The following INPP4A variants were observed in gnomAD, a reference collection of about 807,000 sequenced individuals.
INPP4A encodes the protein inositol polyphosphate-4-phosphatase type I A, also known as inositol polyphosphate-4-phosphatase, type I, 107kD.
A neutral mutation model predicts 119.8 loss-of-function variants in INPP4A; 33 were observed. The observed-to-expected ratio is 0.28, with a 90% CI of 0.21 to 0.37. The LOEUF (loss-of-function observed/expected upper bound fraction) is 0.37, where lower values mean the gene tolerates loss of function less well. Among genes scored for constraint, INPP4A ranks in the 10% least tolerant of loss-of-function variants. The probability of loss-of-function intolerance (pLI) is 1.00; values close to 1 mark genes in which losing one functional copy is unlikely to be tolerated. For missense variants in INPP4A, 956 were observed against 1,289.9 expected (o/e 0.74, Z 3.97); for synonymous variants, 496 against 500.7 (o/e 0.99, Z 0.12).
intron 1 of INPP4A, among the ~76,000 whole-genome samples, chr2:98,479,516 A>G (rs112950004): frequency 0.013 from 2,001 of 152,230 alleles, 61 homozygotes; most frequent in African/African-American, 0.046. Flanking sequence ...TGACCCTACT[A>G]TTTATGAACT....
chr2:98,573,501 C>T (rs1438681538), intron 23 of INPP4A, among the ~76,000 whole-genome samples: 3 of 152,178 alleles, frequency 2.0e-5, no homozygotes, highest in Non-Finnish European at 2.9e-5. Context: ...CGCTGGGACT[C>T]GGGCACACAT....
chr2:98,538,888 C>T lies in INPP4A; in HGVS notation c.580-3C>T, dbSNP rs763612505. ...TCTTGTGCATTTCCTTATACATTAT[C>T]AGATGGTTCTTCCTGTCGATGAGAG... On this transcript the variant is annotated splice_region_variant and splice_polypyrimidine_tract_variant and intron_variant, in intron 8 of 24. Coordinates refer to ENST00000409851, the MANE Select transcript of INPP4A (RefSeq NM_001134225.2). 1 of 1,580,822 alleles carries T rather than the reference C, an allele frequency of 6.3e-7. No individual in the cohort carries two copies. Among genetic ancestry groups the T allele is most frequent in the Non-Finnish European group, 8.7e-7 (1 of 1,151,082 alleles).
chr2:98,463,485 T>C (rs778347133), intron 1 of INPP4A, among the ~76,000 whole-genome samples: 6 of 152,238 alleles, frequency 3.9e-5, no homozygotes, highest in Non-Finnish European at 7.3e-5. Flanking sequence ...CACGTACATT[T>C]TGGAGTCATG....
intron 1 of INPP4A, among the ~76,000 whole-genome samples, chr2:98,507,047 G>A (rs898376053): frequency 2.0e-5 from 3 of 152,212 alleles, no homozygotes; most frequent in African/African-American, 7.2e-5. Flanking sequence ...CCTCTGCCCT[G>A]CTTGGCAACT....
At position 98,448,944 on chromosome 2, in the gene INPP4A, C is replaced by T. The variant is rs539991129; in HGVS notation, c.-166+3859C>T. Reference sequence around the variant, plus strand: ...GGTCTCAGACTCCTACTCTCGCCATCCTCCTGCGTTGGCCGACCACAGTGC... The same window carrying T: ...GGTCTCAGACTCCTACTCTCGCCATTCTCCTGCGTTGGCCGACCACAGTGC... On this transcript the variant is annotated intron_variant, in intron 1 of 24. Transcript: ENST00000409851. Among the ~76,000 whole-genome samples the T allele has an allele frequency of 2.0e-5, 3 of 152,252 alleles. No individual in the cohort carries two copies. In the East Asian group the frequency reaches 5.8e-4, roughly 29 times the overall value.
intron 1 of INPP4A, among the ~76,000 whole-genome samples, chr2:98,492,136 G>A (rs1015385876): frequency 6.6e-6 from 1 of 152,072 alleles, no homozygotes; most frequent in Non-Finnish European, 1.5e-5. Flanking sequence ...TGATCCGCGC[G>A]CCTCAGCCTC....
chr2:98,562,204 C>T (rs1188559910), intron 17 of INPP4A, among the ~76,000 whole-genome samples: 1 of 152,246 alleles, frequency 6.6e-6, no homozygotes, highest in African/African-American at 2.4e-5. Context: ...GATACAAATC[C>T]TGTCCACAAA....
intron 17 of INPP4A, among the ~76,000 whole-genome samples, chr2:98,561,448 T>C (rs1033912096): frequency 6.6e-6 from 1 of 152,250 alleles, no homozygotes; most frequent in Non-Finnish European, 1.5e-5. Context: ...TAAAAAATTG[T>C]TCCAGGCATG....
chr2:98,515,247 G>GT (rs1250218786), intron 1 of INPP4A, among the ~76,000 whole-genome samples: 1 of 152,232 alleles, frequency 6.6e-6, no homozygotes, highest in Non-Finnish European at 1.5e-5. Flanking sequence ...GTTTCTGAGA[G>GT]TAAGTCCTTT....
At chr2:98,567,831 G>A (rs979774335) in intron 21 of INPP4A, among the ~76,000 whole-genome samples, 4 of 152,192 alleles carry the variant, frequency 2.6e-5, no homozygotes, top group African/African-American at 9.7e-5. Flanking sequence ...GTGGACACCA[G>A]GGGTGGATGG....
chr2:98,533,780 C>G (rs952612833), intron 5 of INPP4A, among the ~76,000 whole-genome samples: 1 of 152,160 alleles, frequency 6.6e-6, no homozygotes, highest in Non-Finnish European at 1.5e-5. Flanking sequence ...AGACCTAATT[C>G]CTTCTTGTCA....
At chr2:98,555,178 C>A (rs1694219725) in intron 15 of INPP4A, among the ~76,000 whole-genome samples, 1 of 152,110 alleles carries the variant, frequency 6.6e-6, no homozygotes, top group Admixed American at 6.5e-5. Context: ...ATTTCTGTTC[C>A]CTTCTATCAA....
chr2:98,578,705 T>A (rs970585632), intron 24 of INPP4A, among the ~76,000 whole-genome samples: 5 of 152,240 alleles, frequency 3.3e-5, no homozygotes, highest in African/African-American at 9.6e-5. Context: ...GGATGTATAG[T>A]GCACAAAGCA....
At chr2:98,476,817 G>A (rs1298598845) in intron 1 of INPP4A, among the ~76,000 whole-genome samples, 1 of 152,172 alleles carries the variant, frequency 6.6e-6, no homozygotes, top group Non-Finnish European at 1.5e-5. Flanking sequence ...ACGATAGCGG[G>A]TTAAGTTTGT....
rs1696440983 is a variant in INPP4A, at chr2:98,566,343, A to G, written c.2420+174A>G. On this transcript the variant is annotated intron_variant, in intron 21 of 24. Transcript: ENST00000409851. The surrounding 1 kb of genome is among the most constrained non-coding windows in gnomAD (Gnocchi z 4.2). The stretch of plus-strand genomic sequence containing the variant: ...TCACTGTCTTTGGTGCTAGGGACAC[A>G]GAGTGACCCAGAGGTGGTCTCTGTC... 6.6e-6 allele frequency among the ~76,000 whole-genome samples: 1 copy of G among 152,172 alleles called. No individual in the cohort carries two copies. Among genetic ancestry groups the G allele is most frequent in the African/African-American group, 2.4e-5 (1 of 41,434 alleles).
rs188527737 is a variant in INPP4A, at chr2:98,570,997, G to A, written c.2519-1818G>A. Among the ~76,000 whole-genome samples, 13 of 152,276 alleles carry A rather than the reference G, an allele frequency of 8.5e-5. No homozygotes were observed. The highest frequency in any genetic ancestry group is 1.5e-4 in the Non-Finnish European group (10 of 67,998). ...TAGGGTTTCAGAAACTCCCCAGGTG[G>A]TCCCTGTGTGCCACAGCCAGGGTGG... is the stretch of plus-strand genomic sequence containing the variant. On this transcript the variant is annotated intron_variant, in intron 22 of 24. Transcript: ENST00000409851. The surrounding 1 kb of genome is among the most constrained non-coding windows in gnomAD (Gnocchi z 4.3).
chr2:98,555,451 G>A (rs1694280780), intron 15 of INPP4A, 102 bp from the exon 16 acceptor site: 4 of 1,252,814 alleles, frequency 3.2e-6, no homozygotes, highest in Admixed American at 4.7e-5. Flanking sequence ...TAACAAGTGT[G>A]GAAGCCTAGG....
chr2:98,511,956 G>A (rs1416177563), intron 1 of INPP4A, among the ~76,000 whole-genome samples: 5 of 152,162 alleles, frequency 3.3e-5, no homozygotes, highest in African/African-American at 7.2e-5. Context: ...GAAAAGTTCC[G>A]GTTGGAGGAA....
intron 5 of INPP4A, among the ~76,000 whole-genome samples, chr2:98,534,382 G>A (rs1689823002): frequency 6.6e-6 from 1 of 152,206 alleles, no homozygotes; most frequent in Admixed American, 6.5e-5. Context: ...AGGAAGGTAA[G>A]GAGAGCACCA....
Sources: allele counts gnomAD v4.1 joint callset (sites outside exome capture counted in the v4.1 genomes callset), GRCh38; gene constraint gnomAD v4.1.1; non-coding constraint Gnocchi (gnomAD v3.1); transcripts MANE v1.5; gene names NCBI Gene and HGNC (gene_info 2026-07-23, HGNC 2026-07-21).